Variants in FNBP1 observed in about 807,000 individuals in gnomAD.
The protein encoded by FNBP1 is formin-binding protein 1.
A neutral mutation model predicts 90.6 loss-of-function variants in FNBP1; 26 were observed. The observed-to-expected ratio is 0.29, with a 90% confidence interval of 0.21 to 0.40. FNBP1 has a LOEUF of 0.40. FNBP1 is among the 10% of genes least tolerant of loss of function. The probability of loss-of-function intolerance (pLI) is 1.00; values close to 1 mark genes in which losing one functional copy is unlikely to be tolerated. For missense variants in FNBP1, 635 were observed against 768.0 expected, an observed-to-expected ratio of 0.83 and a Z score of 2.05; for synonymous variants, 260 against 265.2, an observed-to-expected ratio of 0.98 and a Z score of 0.19.
intron 4 of FNBP1, among the ~76,000 whole-genome samples, chr9:129,976,638 C>T (rs924995692): frequency 1.3e-5 from 2 of 152,186 alleles, no homozygotes; most frequent in Non-Finnish European, 2.9e-5. Context: ...AATCATCCCT[C>T]AAGTCTTGTT....
At position 130,031,671 on chromosome 9, in the gene FNBP1, C is replaced by CT. The variant is rs761828982; in HGVS notation, c.24+11280dup. On this transcript the variant is annotated intron_variant, in intron 1 of 16. Coordinates refer to ENST00000446176, the MANE Select transcript of FNBP1 (RefSeq NM_015033.3). The surrounding 1 kb of genome is among the most constrained non-coding windows in gnomAD (Gnocchi z 4.2). ...CAATAATTTCTTTCTTTCTTTCTTT[C>CT]TTTTTTTTGACAGGGAGTCTCGCTC... 4.0e-5 allele frequency among the ~76,000 whole-genome samples: 6 copies of CT among 151,636 alleles called. No homozygotes were observed. The highest frequency in any genetic ancestry group is 2.1e-4 in the South Asian group (1 of 4,804).
In FNBP1 at chr9:129,966,240, G is replaced by T. The variant is rs1390001765; in HGVS notation, c.346-7687C>A. Among the ~76,000 whole-genome samples, 1 of 152,154 alleles carries T rather than the reference G, an allele frequency of 6.6e-6. No homozygotes were observed. The highest frequency in any genetic ancestry group is 1.5e-5 in the Non-Finnish European group (1 of 68,020). On this transcript the variant is annotated intron_variant, in intron 4 of 16. Coordinates refer to ENST00000446176, the MANE Select transcript of FNBP1 (RefSeq NM_015033.3). This position sits in a 1 kb window ranked among gnomAD's most constrained non-coding sequence, Gnocchi z 4.3. ...TAAAACGTGGGAGTGAACTTACAAG[G>T]GTCTGAGGAATACCCTCCAAGCCGC...
chr9:129,936,775 T>C lies in FNBP1; in HGVS notation c.514-7080A>G, dbSNP rs560180440. ...ATGAGGTAGAGGCCACTGGATATTA[T>C]TTTCTATTTCTAGGTATTTTTGAGA... is the stretch of plus-strand genomic sequence containing the variant. On this transcript the variant is annotated intron_variant, in intron 6 of 16. Transcript: ENST00000446176. Among the ~76,000 whole-genome samples the C allele has an allele frequency of 1.2e-3, 186 of 152,304 alleles. 5 individuals are homozygous for C. Among genetic ancestry groups the C allele is most frequent in the Middle Eastern group, 3.4e-3 (1 of 294 alleles).
chr9:130,039,636 A>G (rs951929835), intron 1 of FNBP1, among the ~76,000 whole-genome samples: 2 of 151,206 alleles, frequency 1.3e-5, no homozygotes, highest in African/African-American at 2.4e-5. Flanking sequence ...AGATCGTGAC[A>G]GTGCACTCCA....
At chr9:129,917,751 C>A (rs112516224) in intron 10 of FNBP1, among the ~76,000 whole-genome samples, 1,940 of 152,184 alleles carry the variant, frequency 0.013, 18 homozygotes, top group Middle Eastern at 0.024. Flanking sequence ...AAGGAAAGAA[C>A]CAGAAAGACA....
chr9:129,899,425 G>A (rs530281396), intron 15 of FNBP1, among the ~76,000 whole-genome samples: 117 of 152,196 alleles, frequency 7.7e-4, no homozygotes, highest in African/African-American at 2.6e-3. Context: ...AAAGAGAAGA[G>A]TGTGGCTAGG....
At chr9:130,002,838 ACCAC>A in intron 1 of FNBP1, among the ~76,000 whole-genome samples, 1 of 152,202 alleles carries the variant, frequency 6.6e-6, no homozygotes, top group African/African-American at 2.4e-5. Context: ...ACCTCGCTGA[ACCAC>A]TCACCCAACA....
chr9:129,993,350 C>A (rs145545416), intron 2 of FNBP1, among the ~76,000 whole-genome samples: 1 of 151,872 alleles, frequency 6.6e-6, no homozygotes, highest in Non-Finnish European at 1.5e-5. Context: ...AACATGAAAT[C>A]ATTAAGGACT....
intron 1 of FNBP1, among the ~76,000 whole-genome samples, chr9:130,036,799 A>G (rs1296370298): frequency 6.6e-6 from 1 of 152,028 alleles, no homozygotes; most frequent in Non-Finnish European, 1.5e-5. Flanking sequence ...TAATCCCAAC[A>G]CTTTGGGAGG....
the FNBP1 span, among the ~76,000 whole-genome samples, chr9:130,050,482 C>T: frequency 6.6e-6 from 1 of 152,088 alleles, no homozygotes; most frequent in African/African-American, 2.4e-5. Flanking sequence ...CCCGACACCC[C>T]AAGAAATGCA....
chr9:129,910,094 G>C (rs935258465), intron 11 of FNBP1: 3 of 455,996 alleles, frequency 6.6e-6, no homozygotes, highest in African/African-American at 6.0e-5. Flanking sequence ...AGTATCAACA[G>C]TTTCAGGCTT....
chr9:129,990,956 T>C, intron 2 of FNBP1, among the ~76,000 whole-genome samples: 1 of 140,314 alleles, frequency 7.1e-6, no homozygotes, highest in African/African-American at 2.7e-5. Flanking sequence ...TTTTTTGAGA[T>C]GGAGTCTTGC....
At chr9:129,977,004 G>A (rs1201375583) in intron 4 of FNBP1, among the ~76,000 whole-genome samples, 3 of 151,766 alleles carry the variant, frequency 2.0e-5, no homozygotes, top group East Asian at 3.9e-4. Context: ...CCATCTCTAC[G>A]AAAAATACAA....
chr9:129,985,380 T>C (rs1302960083), intron 2 of FNBP1, among the ~76,000 whole-genome samples: 1 of 152,208 alleles, frequency 6.6e-6, no homozygotes, highest in East Asian at 1.9e-4. Flanking sequence ...ATGATGATGA[T>C]TCACACTTTA....
chr9:129,987,766 G>A (rs1022155864), intron 2 of FNBP1, among the ~76,000 whole-genome samples: 2 of 151,974 alleles, frequency 1.3e-5, no homozygotes, highest in Non-Finnish European at 2.9e-5. Context: ...CTCCCAAAAT[G>A]CTGGGATTAC....
Position 130,042,860 on chromosome 9 carries a change from C to A in FNBP1, c.24+92G>T, listed in dbSNP as rs2059964757. The A allele has an allele frequency of 9.7e-6, 9 of 931,978 alleles. No homozygotes were observed. The highest frequency in any genetic ancestry group is 5.0e-5 in the South Asian group (1 of 19,892). The allele number at this position is 931,978 out of a possible 1,614,324, so 57.7% of individuals were successfully genotyped here. ...ACCCCGACCAGCGCGCCCTCGCCTCCGCCCAGCAGCGCGGCCCGCGCCCCC... is the reference window on the plus strand; with the variant it reads ...ACCCCGACCAGCGCGCCCTCGCCTCAGCCCAGCAGCGCGGCCCGCGCCCCC... On this transcript the variant is annotated intron_variant, in intron 1 of 16. Coordinates refer to ENST00000446176, the MANE Select transcript of FNBP1 (RefSeq NM_015033.3). This position sits in a 1 kb window ranked among gnomAD's most constrained non-coding sequence, Gnocchi z 5.5.
chr9:129,981,116 T>C (rs1033169300), intron 2 of FNBP1, among the ~76,000 whole-genome samples: 11 of 152,092 alleles, frequency 7.2e-5, no homozygotes, highest in African/African-American at 2.4e-4. Context: ...GAGACAGAGT[T>C]TCACTCTTGT....
chr9:130,021,609 A>G (rs1201685281), intron 1 of FNBP1, among the ~76,000 whole-genome samples: 6 of 152,190 alleles, frequency 3.9e-5, no homozygotes, highest in Non-Finnish European at 8.8e-5. Flanking sequence ...TGTATTTTAA[A>G]ATAGCACCTA....
At chr9:130,009,296 T>C (rs188054048) in intron 1 of FNBP1, among the ~76,000 whole-genome samples, 4 of 152,258 alleles carry the variant, frequency 2.6e-5, no homozygotes, top group South Asian at 2.1e-4. Context: ...CCCACTGCCA[T>C]AGTTGAGCAT....
Sources: allele counts gnomAD v4.1 joint callset (sites outside exome capture counted in the v4.1 genomes callset), GRCh38; gene constraint gnomAD v4.1.1; non-coding constraint Gnocchi (gnomAD v3.1); transcripts MANE v1.5; gene names NCBI Gene and HGNC (gene_info 2026-07-23, HGNC 2026-07-21).